Variants in MARCHF1 observed in about 807,000 individuals in gnomAD.
MARCHF1 encodes the protein E3 ubiquitin-protein ligase MARCHF1.
In MARCHF1, 40 loss-of-function variants were observed where a neutral mutation model predicts 54.2. The ratio of observed to expected loss-of-function variants is 0.74; its 90% CI spans 0.57 to 0.96. The LOEUF is 0.96. Ranked by LOEUF, MARCHF1 falls within the 40% of genes least tolerant of loss-of-function variation. MARCHF1 has a pLI of 0.00. For synonymous variants in MARCHF1, 236 were observed against 236.3 expected, an observed-to-expected ratio of 1.00 and a Z score of 0.01; for missense variants, 586 against 656.5, an observed-to-expected ratio of 0.89 and a Z score of 1.17.
intron 6 of MARCHF1, 130 bp downstream of exon 6, chr4:163,613,184 A>C (rs1741404323): frequency 1.6e-6 from 2 of 1,256,464 alleles, no homozygotes; most frequent in Non-Finnish European, 2.1e-6. Context: ...AAATGAAAAA[A>C]AATAGCCAGT....
At chr4:163,637,335 G>A (rs1267218534) in intron 5 of MARCHF1, among the ~76,000 whole-genome samples, 1 of 151,970 alleles carries the variant, frequency 6.6e-6, no homozygotes, top group East Asian at 1.9e-4. Flanking sequence ...GAAAATTTTT[G>A]CAACCTACTC....
chr4:163,825,513 C>T (rs181916407), intron 4 of MARCHF1, among the ~76,000 whole-genome samples: 18 of 152,036 alleles, frequency 1.2e-4, no homozygotes, highest in Admixed American at 3.9e-4. Context: ...TTTCAGAAAT[C>T]GCCAAACTGC....
chr4:164,189,581 G>C, intron 1 of MARCHF1: 1 of 938,424 alleles, frequency 1.1e-6, no homozygotes. Context: ...GTCCAGGCTG[G>C]AGTGCTCTCT....
chr4:164,068,936 G>A (rs1211746371), intron 2 of MARCHF1, among the ~76,000 whole-genome samples: 1 of 152,218 alleles, frequency 6.6e-6, no homozygotes, highest in African/African-American at 2.4e-5. Context: ...CCTGTGTCTA[G>A]CTCAGGGTTT....
At chr4:163,846,675 A>G (rs1402948481) in intron 4 of MARCHF1, among the ~76,000 whole-genome samples, 2 of 152,124 alleles carry the variant, frequency 1.3e-5, no homozygotes, top group Non-Finnish European at 2.9e-5. Flanking sequence ...TGAAACTTTT[A>G]CAATGTATTT....
chr4:164,151,791 A>C (rs11732787), intron 1 of MARCHF1, among the ~76,000 whole-genome samples: 27,416 of 151,814 alleles, frequency 0.18, 3,012 homozygotes, highest in Non-Finnish European at 0.26. Context: ...CGCCCCCCCC[A>C]AAAAAATATA....
chr4:164,071,734 T>C (rs1453515063), intron 2 of MARCHF1, among the ~76,000 whole-genome samples: 1 of 152,186 alleles, frequency 6.6e-6, no homozygotes, highest in Non-Finnish European at 1.5e-5. Context: ...AGCTTCCTAG[T>C]GGTAAACTTT....
intron 1 of MARCHF1, among the ~76,000 whole-genome samples, chr4:164,336,495 C>T (rs535808634): frequency 5.5e-4 from 84 of 152,250 alleles, no homozygotes; most frequent in Middle Eastern, 3.4e-3. Context: ...AAAAGTTATA[C>T]GCTTTTTCTA....
At chr4:164,330,471 C>T (rs561945880) in intron 1 of MARCHF1, among the ~76,000 whole-genome samples, 17 of 152,274 alleles carry the variant, frequency 1.1e-4, no homozygotes, top group South Asian at 1.0e-3. Context: ...CCATAAAACC[C>T]ACCCGTAGCC....
intron 1 of MARCHF1, among the ~76,000 whole-genome samples, chr4:164,180,267 T>A (rs529151545): frequency 3.9e-4 from 59 of 152,084 alleles, no homozygotes; most frequent in Non-Finnish European, 6.2e-4. Context: ...AAATATAGAG[T>A]TATTAGATAA....
intron 5 of MARCHF1, among the ~76,000 whole-genome samples, chr4:163,680,993 A>ATATATATG (rs1349055241): frequency 7.2e-4 from 108 of 149,870 alleles, no homozygotes; most frequent in African/African-American, 2.5e-3. Flanking sequence ...TATGTAATAC[A>ATATATATG]TTATGTAATA....
intron 1 of MARCHF1, among the ~76,000 whole-genome samples, chr4:164,299,176 G>A (rs983686238): frequency 2.0e-5 from 3 of 152,026 alleles, no homozygotes; most frequent in Admixed American, 6.6e-5. Flanking sequence ...ACTATGTTCT[G>A]GGCTTTGTGC....
chr4:163,729,727 C>T (rs980141265), intron 4 of MARCHF1, among the ~76,000 whole-genome samples: 106 of 152,076 alleles, frequency 7.0e-4, no homozygotes, highest in Non-Finnish European at 1.0e-3. Context: ...GATATTAGTA[C>T]TTTTTGTCTT....
chr4:163,534,037 G>A (rs1016695573), intron 9 of MARCHF1, among the ~76,000 whole-genome samples: 2 of 151,886 alleles, frequency 1.3e-5, no homozygotes, highest in Non-Finnish European at 2.9e-5. Context: ...AGTCCTATCT[G>A]GGTAGCTGTT....
At chr4:163,598,647 G>C (rs1740848644) in intron 7 of MARCHF1, among the ~76,000 whole-genome samples, 1 of 152,166 alleles carries the variant, frequency 6.6e-6, no homozygotes, top group Non-Finnish European at 1.5e-5. Context: ...CTAAAAAGCA[G>C]TACACCTGTA....
chr4:163,547,271 G>A (rs1738942848), intron 8 of MARCHF1, among the ~76,000 whole-genome samples: 2 of 152,234 alleles, frequency 1.3e-5, no homozygotes, highest in African/African-American at 2.4e-5. Flanking sequence ...GTGGAGAAGA[G>A]AATAACCATT....
At chr4:163,818,185 G>T (rs1359554891) in intron 4 of MARCHF1, among the ~76,000 whole-genome samples, 2 of 152,010 alleles carry the variant, frequency 1.3e-5, no homozygotes, top group African/African-American at 4.8e-5. Context: ...GTTCTAGGTT[G>T]CTTCATTTAC....
chr4:164,217,963 T>C (rs1251538335), intron 1 of MARCHF1, among the ~76,000 whole-genome samples: 2 of 152,134 alleles, frequency 1.3e-5, no homozygotes, highest in African/African-American at 4.8e-5. Flanking sequence ...TAACTTCTGC[T>C]ATTTTGTGAA....
intron 4 of MARCHF1, among the ~76,000 whole-genome samples, chr4:163,721,868 T>C (rs759467714): frequency 6.6e-6 from 1 of 152,144 alleles, no homozygotes; most frequent in African/African-American, 2.4e-5. Flanking sequence ...GTGGGACCGG[T>C]GGTGACATCC....
Sources: allele counts gnomAD v4.1 joint callset (sites outside exome capture counted in the v4.1 genomes callset), GRCh38; gene constraint gnomAD v4.1.1; transcripts MANE v1.5; gene names NCBI Gene and HGNC (gene_info 2026-07-23, HGNC 2026-07-21).